Variants in BMP6 observed in about 807,000 individuals in gnomAD.
BMP6 encodes bone morphogenetic protein 6.
BMP6 carries 17 observed loss-of-function variants against 54.1 expected under a neutral mutation model. The observed-to-expected ratio is 0.31, with a 90% CI of 0.22 to 0.47. The LOEUF is 0.47. Ranked by LOEUF, BMP6 falls within the 20% of genes least tolerant of loss-of-function variation. The pLI, the probability that BMP6 is intolerant of heterozygous loss-of-function variation, is 1.00. For synonymous variants in BMP6, 328 were observed against 291.2 expected (o/e 1.13, Z -1.28); for missense variants, 720 against 690.4 (o/e 1.04, Z -0.48).
rs1758780801 is a variant in BMP6, at chr6:7,830,735, G to A, written c.665-14405G>A. On this transcript the variant is annotated intron_variant, in intron 1 of 6. Transcript: ENST00000283147. ...TATGGCGGCAATCAAGAAAGAGCAT[G>A]TGCAGGGGAAATGCCCTTTATGAAA... 2.0e-5 allele frequency among the ~76,000 whole-genome samples: 3 copies of A among 152,214 alleles called. No homozygotes were observed. The South Asian group carries it at 6.2e-4, about 32-fold the overall frequency.
At chr6:7,822,422 G>T (rs987238517) in intron 1 of BMP6, among the ~76,000 whole-genome samples, 1 of 152,108 alleles carries the variant, frequency 6.6e-6, no homozygotes, top group Non-Finnish European at 1.5e-5. Flanking sequence ...TTGTTCACTG[G>T]ATCAGGTCCC....
chr6:7,759,864 T>C (rs766833378), intron 1 of BMP6, among the ~76,000 whole-genome samples: 1 of 151,300 alleles, frequency 6.6e-6, no homozygotes, highest in Non-Finnish European at 1.5e-5. Context: ...CCACCATGCC[T>C]GGCTAATTTT....
At chr6:7,781,868 C>T (rs1406700445) in intron 1 of BMP6, among the ~76,000 whole-genome samples, 3 of 151,266 alleles carry the variant, frequency 2.0e-5, no homozygotes, top group Non-Finnish European at 4.4e-5. Flanking sequence ...GTGAGAAGTG[C>T]GAGGTCTTTC....
At chr6:7,729,380 TC>T (rs1350662377) in intron 1 of BMP6, among the ~76,000 whole-genome samples, 2 of 138,282 alleles carry the variant, frequency 1.4e-5, no homozygotes, top group Non-Finnish European at 3.1e-5. Flanking sequence ...TTTTATTGCC[TC>T]TTGGGGGTAG....
Position 7,791,349 on chromosome 6 carries a change from G to C in BMP6, c.665-53791G>C, listed in dbSNP as rs115421597. Among the ~76,000 whole-genome samples the C allele has an allele frequency of 4.3e-3, 656 of 152,270 alleles. 4 individuals are homozygous for C. Among genetic ancestry groups the C allele is most frequent in the African/African-American group, 0.015 (634 of 41,552 alleles). On this transcript the variant is annotated intron_variant, in intron 1 of 6. Transcript: ENST00000283147. ...CCACTCCCACTGCTTCGGTGAGATG[G>C]ATCAGTGACTCTCTCATTGCCACAT...
chr6:7,788,655 T>C (rs1238810538), intron 1 of BMP6, among the ~76,000 whole-genome samples: 1 of 152,248 alleles, frequency 6.6e-6, no homozygotes, highest in Non-Finnish European at 1.5e-5. Flanking sequence ...ATGTTCATCA[T>C]TGTAAAACAA....
At chr6:7,799,018 C>T (rs191590264) in intron 1 of BMP6, among the ~76,000 whole-genome samples, 1 of 152,322 alleles carries the variant, frequency 6.6e-6, no homozygotes, top group East Asian at 1.9e-4. Flanking sequence ...TCTCTCACCA[C>T]ATCATGTACT....
intron 1 of BMP6, among the ~76,000 whole-genome samples, chr6:7,820,816 G>C (rs1037883125): frequency 6.6e-6 from 1 of 152,186 alleles, no homozygotes; most frequent in African/African-American, 2.4e-5. Context: ...AGGTGGGGAG[G>C]GGGGTGGTTT....
At chr6:7,796,781 CTT>C in intron 1 of BMP6, among the ~76,000 whole-genome samples, 1 of 152,270 alleles carries the variant, frequency 6.6e-6, no homozygotes, top group Admixed American at 6.5e-5. Flanking sequence ...ATTAAAGTGA[CTT>C]TTTTTAAACA....
At chr6:7,777,205 G>C (rs1023700155) in intron 1 of BMP6, among the ~76,000 whole-genome samples, 1 of 152,208 alleles carries the variant, frequency 6.6e-6, no homozygotes, top group African/African-American at 2.4e-5. Flanking sequence ...CATGTGGTGA[G>C]GGGAAGGAGG....
intron 1 of BMP6, among the ~76,000 whole-genome samples, chr6:7,835,495 G>C (rs1448677339): frequency 6.6e-6 from 1 of 152,210 alleles, no homozygotes; most frequent in Admixed American, 6.5e-5. Flanking sequence ...TGGAAATCAG[G>C]TGTGGGAGGA....
intron 1 of BMP6, among the ~76,000 whole-genome samples, chr6:7,759,971 C>T (rs1757587122): frequency 6.6e-6 from 1 of 151,436 alleles, no homozygotes; most frequent in African/African-American, 2.4e-5. Flanking sequence ...TCCCAAAGTG[C>T]TGGGATTACA....
At chr6:7,825,663 T>C (rs182280237) in intron 1 of BMP6, among the ~76,000 whole-genome samples, 14 of 149,572 alleles carry the variant, frequency 9.4e-5, no homozygotes, top group African/African-American at 3.2e-4. Flanking sequence ...GAGATTGCAG[T>C]GAGTCGAGAT....
chr6:7,865,872 A>G (rs1759413342), intron 4 of BMP6, among the ~76,000 whole-genome samples: 1 of 152,184 alleles, frequency 6.6e-6, no homozygotes, highest in Admixed American at 6.5e-5. Context: ...ATCGTCCTAC[A>G]TCTGGGTAAA....
intron 1 of BMP6, among the ~76,000 whole-genome samples, chr6:7,782,010 C>T (rs1294167818): frequency 6.6e-6 from 1 of 151,200 alleles, no homozygotes; most frequent in Non-Finnish European, 1.5e-5. Context: ...ACACAGGGGC[C>T]CCATTTAGGA....
chr6:7,879,787 G>GC (rs1179098186), intron 5 of BMP6, among the ~76,000 whole-genome samples: 2 of 152,208 alleles, frequency 1.3e-5, no homozygotes, highest in African/African-American at 4.8e-5. Flanking sequence ...TCTGCAAGGA[G>GC]CGAGGGTTCT....
At chr6:7,780,152 G>A (rs1465890692) in intron 1 of BMP6, among the ~76,000 whole-genome samples, 2 of 152,210 alleles carry the variant, frequency 1.3e-5, no homozygotes, top group Non-Finnish European at 2.9e-5. Flanking sequence ...AGGAATAAAT[G>A]TTCTCGCACT....
In BMP6 at chr6:7,823,581, G is replaced by A. The variant is rs542394587; in HGVS notation, c.665-21559G>A. Among the ~76,000 whole-genome samples the A allele has an allele frequency of 2.0e-5, 3 of 152,350 alleles. No individual in the cohort carries two copies. In the East Asian group the frequency reaches 5.8e-4, roughly 29 times the overall value. Reference sequence around the variant, plus strand: ...TTTTAAAAAGCAGGCATTTTAAGAAGATGGAATATGACCAGACACGCTGTG... The same window carrying A: ...TTTTAAAAAGCAGGCATTTTAAGAAAATGGAATATGACCAGACACGCTGTG... On this transcript the variant is annotated intron_variant, in intron 1 of 6. Transcript: ENST00000283147.
intron 1 of BMP6, among the ~76,000 whole-genome samples, chr6:7,773,788 C>T (rs1056829614): frequency 1.2e-4 from 18 of 152,184 alleles, no homozygotes; most frequent in African/African-American, 4.1e-4. Context: ...GGGATTTCCA[C>T]GCGTTTACTA....
Sources: gnomAD v4.1 joint callset for allele counts (sites outside exome capture counted in the v4.1 genomes callset) on GRCh38, gnomAD v4.1.1 for gene constraint, MANE v1.5 for transcripts, NCBI Gene and HGNC (gene_info 2026-07-23, HGNC 2026-07-21) for gene names.